Variants in APLF observed in about 807,000 individuals in gnomAD.
APLF encodes the protein aprataxin and PNKP like factor.
APLF carries 61 observed loss-of-function variants against 55.6 expected under a neutral mutation model. The observed-to-expected ratio is 1.10, with a 90% CI of 0.89 to 1.36. The LOEUF (loss-of-function observed/expected upper bound fraction) is 1.36, where lower values mean the gene tolerates loss of function less well. APLF is among the 40% of genes most tolerant of loss of function. APLF has a pLI of 0.00. For synonymous variants in APLF, 207 were observed against 214.8 expected, an observed-to-expected ratio of 0.96 and a Z score of 0.32; for missense variants, 611 against 602.5, an observed-to-expected ratio of 1.01 and a Z score of -0.15.
intron 2 of APLF, among the ~76,000 whole-genome samples, chr2:68,496,248 C>T (rs556145048): frequency 1.4e-3 from 218 of 152,178 alleles, no homozygotes; most frequent in African/African-American, 4.6e-3. Flanking sequence ...ACTACAGGCG[C>T]GTGTCACCAC....
At chr2:68,503,174 G>A (rs2103934083) in intron 3 of APLF, among the ~76,000 whole-genome samples, 1 of 152,228 alleles carries the variant, frequency 6.6e-6, no homozygotes, top group East Asian at 1.9e-4. Flanking sequence ...TTTTACCATT[G>A]TATTGAGAAT....
At position 68,517,531 on chromosome 2, in the gene APLF, T is replaced by A. The variant is rs1416039459; in HGVS notation, c.622+3851T>A. Among the ~76,000 whole-genome samples, 2 of 142,102 alleles carry A rather than the reference T, an allele frequency of 1.4e-5. 1 individual carries two copies. The highest frequency in any genetic ancestry group is 3.0e-5 in the Non-Finnish European group (2 of 66,034). The allele number at this position is 142,102 out of a possible 152,430, so 93.2% of individuals were successfully genotyped here. ...CTATATATTAATATATCAATATATG[T>A]TATTAACATATGTCAATATATGTTA... On this transcript the variant is annotated intron_variant, in intron 5 of 9. Transcript: ENST00000303795.
At chr2:68,525,463 G>A (rs1670012812) in intron 5 of APLF, among the ~76,000 whole-genome samples, 2 of 152,102 alleles carry the variant, frequency 1.3e-5, no homozygotes, top group Admixed American at 6.6e-5. Flanking sequence ...CTGCTAGATA[G>A]TTTACATATC....
At chr2:68,492,388 G>T (rs10167680) in intron 2 of APLF, among the ~76,000 whole-genome samples, 12,335 of 152,192 alleles carry the variant, frequency 0.081, 540 homozygotes, top group Middle Eastern at 0.12. Flanking sequence ...TGAGGCAGGA[G>T]AATGGCGTGA....
chr2:68,538,373 C>G (rs1670456218), intron 7 of APLF, 146 bp downstream of exon 7: 2 of 674,094 alleles, frequency 3.0e-6, no homozygotes, highest in East Asian at 6.1e-5. Context: ...TTTGTACTTC[C>G]TCAGTATATT....
intron 8 of APLF, among the ~76,000 whole-genome samples, chr2:68,565,514 G>GATAGATAGATAGATACATACATAC (rs60590885): frequency 1.4e-4 from 21 of 149,028 alleles, no homozygotes; most frequent in African/African-American, 5.0e-4. Flanking sequence ...TAGACAGATA[G>GATAGATAGATAGATACATACATAC]ATACATACAT....
chr2:68,471,103 C>T (rs557505073), intron 1 of APLF, among the ~76,000 whole-genome samples: 1 of 152,316 alleles, frequency 6.6e-6, no homozygotes, highest in East Asian at 1.9e-4. Flanking sequence ...CAGTGCCTAG[C>T]ACACAGTAGG....
chr2:68,470,287 T>C (rs1200763361), intron 1 of APLF, among the ~76,000 whole-genome samples: 1 of 152,142 alleles, frequency 6.6e-6, no homozygotes, highest in East Asian at 1.9e-4. Flanking sequence ...GGAGAACAGA[T>C]TAGTGGTTGC....
chr2:68,493,607 C>T (rs1676435216), intron 2 of APLF, among the ~76,000 whole-genome samples: 2 of 152,124 alleles, frequency 1.3e-5, no homozygotes, highest in Admixed American at 1.3e-4. Context: ...GTAATTGGAA[C>T]ACGTAATTAG....
At chr2:68,577,134 C>T (rs908355894) in intron 9 of APLF, among the ~76,000 whole-genome samples, 13 of 152,146 alleles carry the variant, frequency 8.5e-5, no homozygotes, top group African/African-American at 3.1e-4. Context: ...ACCTATAAAA[C>T]TAAACTTTCC....
chr2:68,526,007 T>C, intron 5 of APLF, 54 bp from the exon 6 acceptor site: 3 of 1,500,466 alleles, frequency 2.0e-6, no homozygotes, highest in Admixed American at 2.2e-5. Context: ...ATATGGATTA[T>C]TGACATTTGA....
At chr2:68,515,392 T>G (rs1669551794) in intron 5 of APLF, among the ~76,000 whole-genome samples, 1 of 151,720 alleles carries the variant, frequency 6.6e-6, no homozygotes, top group Non-Finnish European at 1.5e-5. Context: ...GCAGACACTT[T>G]CCCTCAGTAG....
At chr2:68,533,106 T>G (rs2103996386) in intron 6 of APLF, among the ~76,000 whole-genome samples, 1 of 152,268 alleles carries the variant, frequency 6.6e-6, no homozygotes, top group Middle Eastern at 3.4e-3. Flanking sequence ...GTTTACACTC[T>G]TTCACTCTTC....
At chr2:68,521,570 C>T (rs115404673) in intron 5 of APLF, among the ~76,000 whole-genome samples, 228 of 151,978 alleles carry the variant, frequency 1.5e-3, no homozygotes, top group African/African-American at 5.2e-3. Context: ...TCAGAGTCTC[C>T]TCTTTCTTGA....
intron 9 of APLF, among the ~76,000 whole-genome samples, chr2:68,572,434 T>G (rs904396451): frequency 1.3e-5 from 2 of 152,180 alleles, no homozygotes; most frequent in African/African-American, 4.8e-5. Flanking sequence ...TCCTAAGATT[T>G]AATAGAAAGT....
chr2:68,518,467 A>G (rs1669734117), intron 5 of APLF, among the ~76,000 whole-genome samples: 1 of 115,712 alleles, frequency 8.6e-6, no homozygotes, highest in South Asian at 2.4e-4. Flanking sequence ...ATTATATAAC[A>G]TATTAATAAT....
chr2:68,489,938 G>C (rs113019455), intron 1 of APLF, among the ~76,000 whole-genome samples: 1 of 152,198 alleles, frequency 6.6e-6, no homozygotes, highest in African/African-American at 2.4e-5. Flanking sequence ...ATCATGCAAG[G>C]TTTTGGGATC....
intron 9 of APLF, among the ~76,000 whole-genome samples, chr2:68,569,966 A>G (rs1167919663): frequency 1.3e-5 from 2 of 152,166 alleles, no homozygotes; most frequent in East Asian, 1.9e-4. Context: ...TCATAAGAAC[A>G]TATATAACAA....
chr2:68,557,812 T>C (rs1326917022), intron 8 of APLF, among the ~76,000 whole-genome samples: 2 of 151,734 alleles, frequency 1.3e-5, no homozygotes, highest in Non-Finnish European at 2.9e-5. Flanking sequence ...TAGGGAGGCT[T>C]AGGCAGGAGA....
Sources: allele counts gnomAD v4.1 joint callset (sites outside exome capture counted in the v4.1 genomes callset), GRCh38; gene constraint gnomAD v4.1.1; transcripts MANE v1.5; gene names NCBI Gene and HGNC (gene_info 2026-07-23, HGNC 2026-07-21).